The following DOK6 variants were observed in gnomAD, a reference collection of about 807,000 sequenced individuals.
DOK6 encodes downstream of tyrosine kinase 6.
DOK6 carries 22 observed loss-of-function variants against 44.0 expected under a neutral mutation model. That is an observed-to-expected ratio of 0.50 (90% CI 0.36 to 0.71). The LOEUF (loss-of-function observed/expected upper bound fraction) is 0.71, where lower values mean the gene tolerates loss of function less well. Among genes scored for constraint, DOK6 ranks in the 30% least tolerant of loss-of-function variants. DOK6 has a pLI of 0.00. For synonymous variants in DOK6, 166 were observed against 145.5 expected (o/e 1.14, Z -1.01); for missense variants, 340 against 416.4 (o/e 0.82, Z 1.60).
intron 7 of DOK6, among the ~76,000 whole-genome samples, chr18:69,837,584 A>AT (rs71178821): frequency 5.4e-4 from 82 of 151,658 alleles, no homozygotes; most frequent in Non-Finnish European, 3.8e-4. Context: ...AAAAAAAAAA[A>AT]GTGCAAGAAT....
chr18:69,555,128 C>T (rs1003526612), intron 1 of DOK6, among the ~76,000 whole-genome samples: 12 of 151,864 alleles, frequency 7.9e-5, no homozygotes, highest in South Asian at 2.1e-4. Context: ...TATTTATTTC[C>T]GCTTATTTTA....
rs114235623 is a variant in DOK6, at chr18:69,515,177, A to G, written c.67-49310A>G. 1.2e-3 allele frequency among the ~76,000 whole-genome samples: 180 copies of G among 152,354 alleles called. 2 individuals are homozygous for G. Among genetic ancestry groups the G allele is most frequent in the African/African-American group, 4.0e-3 (167 of 41,590 alleles). ...ATTTATCCAGAGTGCTTAATTGTGT[A>G]GTTTAGTGAGTTCTATGATTTCTTC... is the stretch of plus-strand genomic sequence containing the variant. On this transcript the variant is annotated intron_variant, in intron 1 of 7. Transcript: ENST00000382713.
At chr18:69,826,892 A>G (rs1369895) in intron 7 of DOK6, among the ~76,000 whole-genome samples, 141,254 of 152,166 alleles carry the variant, frequency 0.93, 66,444 homozygotes, top group East Asian at 1. Flanking sequence ...ATAGATCTGT[A>G]TCCACAATTC....
At chr18:69,770,892 G>C (rs1003582822) in intron 7 of DOK6, among the ~76,000 whole-genome samples, 5 of 151,854 alleles carry the variant, frequency 3.3e-5, no homozygotes, top group Non-Finnish European at 7.4e-5. Flanking sequence ...CATTAATGCT[G>C]ACATATGGAG....
At chr18:69,725,387 A>G (rs11877988) in intron 5 of DOK6, among the ~76,000 whole-genome samples, 13,572 of 152,320 alleles carry the variant, frequency 0.089, 761 homozygotes, top group Non-Finnish European at 0.12. Flanking sequence ...CTTCATGTTC[A>G]AAAGAACAGG....
At chr18:69,480,720 A>G (rs929947051) in intron 1 of DOK6, among the ~76,000 whole-genome samples, 1 of 152,054 alleles carries the variant, frequency 6.6e-6, no homozygotes, top group Admixed American at 6.6e-5. Flanking sequence ...AGATATGGAG[A>G]TATGACTTTG....
chr18:69,807,642 C>A (rs1451414357), intron 7 of DOK6, among the ~76,000 whole-genome samples: 3 of 151,702 alleles, frequency 2.0e-5, no homozygotes, highest in African/African-American at 4.8e-5. Flanking sequence ...GCAGGGGTAG[C>A]TATACATGTA....
chr18:69,442,198 C>A (rs1979155865), intron 1 of DOK6, among the ~76,000 whole-genome samples: 1 of 152,010 alleles, frequency 6.6e-6, no homozygotes, highest in East Asian at 1.9e-4. Flanking sequence ...TGAATATTAA[C>A]AGTATTTGAA....
intron 1 of DOK6, among the ~76,000 whole-genome samples, chr18:69,437,442 A>G (rs544638617): frequency 6.6e-6 from 1 of 152,106 alleles, no homozygotes; most frequent in Non-Finnish European, 1.5e-5. Context: ...GTTTTTTGTC[A>G]GGTTTTCCAA....
At chr18:69,778,928 G>C (rs1980165686) in intron 7 of DOK6, among the ~76,000 whole-genome samples, 1 of 152,090 alleles carries the variant, frequency 6.6e-6, no homozygotes, top group Non-Finnish European at 1.5e-5. Context: ...GTGGAATGGG[G>C]ATGGAAGGAG....
At chr18:69,461,512 T>C (rs370294913) in intron 1 of DOK6, among the ~76,000 whole-genome samples, 12 of 152,180 alleles carry the variant, frequency 7.9e-5, no homozygotes, top group African/African-American at 2.9e-4. Flanking sequence ...GGAGCACATA[T>C]CCCTATTTGG....
chr18:69,411,263 G>A (rs1238226098), intron 1 of DOK6, among the ~76,000 whole-genome samples: 1 of 152,172 alleles, frequency 6.6e-6, no homozygotes, highest in Non-Finnish European at 1.5e-5. Context: ...CAGAATAAGG[G>A]TGCTTGTAGT....
chr18:69,709,045 TG>T (rs1406742858), intron 5 of DOK6, among the ~76,000 whole-genome samples: 1 of 152,156 alleles, frequency 6.6e-6, no homozygotes, highest in Non-Finnish European at 1.5e-5. Flanking sequence ...GAACTCACAG[TG>T]GGGCTCTCTC....
chr18:69,587,276 G>A lies in DOK6; in HGVS notation c.175-12108G>A, dbSNP rs535470604. Among the ~76,000 whole-genome samples the A allele has an allele frequency of 4.3e-4, 66 of 152,130 alleles. 1 individual carries two copies. The highest frequency in any genetic ancestry group is 8.4e-4 in the Non-Finnish European group (57 of 68,006). On this transcript the variant is annotated intron_variant, in intron 2 of 7. Coordinates refer to ENST00000382713, the MANE Select transcript of DOK6 (RefSeq NM_152721.6). ...CACACTCTCCCAAAGCTTCCAAGGGGGTCTCCTTGCTTGCATTTTTCAGCA... is the reference window on the plus strand; with the variant it reads ...CACACTCTCCCAAAGCTTCCAAGGGAGTCTCCTTGCTTGCATTTTTCAGCA...
intron 7 of DOK6, among the ~76,000 whole-genome samples, chr18:69,806,374 C>G (rs778233234): frequency 5.3e-5 from 8 of 151,902 alleles, no homozygotes; most frequent in Non-Finnish European, 1.2e-4. Context: ...TTGGCACTTT[C>G]TAACTTTTAA....
Position 69,522,006 on chromosome 18 carries a change from C to T in DOK6, c.67-42481C>T, listed in dbSNP as rs555508127. Among the ~76,000 whole-genome samples the T allele has an allele frequency of 3.0e-4, 46 of 151,898 alleles. 4 individuals carry two copies. In the South Asian group the frequency reaches 9.1e-3, roughly 30 times the overall value. ...TCTTGATTTATATTTAAATATGAAC[C>T]TTCAGCAAAATAGTGAAAATTTCCA... is the stretch of plus-strand genomic sequence containing the variant. On this transcript the variant is annotated intron_variant, in intron 1 of 7. Coordinates refer to ENST00000382713, the MANE Select transcript of DOK6 (RefSeq NM_152721.6).
chr18:69,687,639 G>A lies in DOK6; in HGVS notation c.409+9786G>A, dbSNP rs535587225. 9.2e-5 allele frequency among the ~76,000 whole-genome samples: 14 copies of A among 152,198 alleles called. No homozygotes were observed. The East Asian group carries it at 9.7e-4, about 10-fold the overall frequency. ...AGAGGTTGCAGCGAGCCACAATCAC[G>A]CCACTGCACTGCAGCCTGGGTGAAA... On this transcript the variant is annotated intron_variant, in intron 4 of 7. Coordinates refer to ENST00000382713, the MANE Select transcript of DOK6 (RefSeq NM_152721.6).
At chr18:69,586,593 G>A (rs546777641) in intron 2 of DOK6, among the ~76,000 whole-genome samples, 6 of 152,286 alleles carry the variant, frequency 3.9e-5, no homozygotes, top group East Asian at 1.9e-4. Context: ...GGATGTCCCC[G>A]GACCCTACTG....
chr18:69,459,246 A>G (rs529144341), intron 1 of DOK6, among the ~76,000 whole-genome samples: 52 of 147,582 alleles, frequency 3.5e-4, no homozygotes, highest in African/African-American at 1.2e-3. Flanking sequence ...GGTGCCACGT[A>G]ATGTATTGCA....
Sources: allele counts gnomAD v4.1 joint callset (sites outside exome capture counted in the v4.1 genomes callset), GRCh38; gene constraint gnomAD v4.1.1; transcripts MANE v1.5; gene names NCBI Gene and HGNC (gene_info 2026-07-23, HGNC 2026-07-21).